ZNF337: variants seen among roughly 807,000 people sequenced by gnomAD.
ZNF337 encodes the protein zinc finger protein 337.
ZNF337 carries 8 observed loss-of-function variants against 12.1 expected under a neutral mutation model. The observed-to-expected ratio is 0.66, with a 90% CI of 0.39 to 1.19. ZNF337 has a LOEUF of 1.19. Among genes scored for constraint, ZNF337 ranks in the 50% most tolerant of loss-of-function variants. The pLI, the probability that ZNF337 is intolerant of heterozygous loss-of-function variation, is 0.01. For missense variants in ZNF337, 882 were observed against 896.6 expected (o/e 0.98, Z 0.21); for synonymous variants, 336 against 320.0 (o/e 1.05, Z -0.53).
At chr20:25,684,216 G>T (rs1007190126) in intron 4 of ZNF337, among the ~76,000 whole-genome samples, 1 of 109,668 alleles carries the variant, frequency 9.1e-6, no homozygotes. Context: ...GGTGGGGGGA[G>T]GGGGGAGGGA....
Position 25,673,548 on chromosome 20 carries a change from G to A in ZNF337, c.*1484C>T, listed in dbSNP as rs1026446235. ...TCTTGGGCATCCATGGAGATGTTCCGGTGTCATTTTTCAGGATCCCAGATT... is the reference window on the plus strand; with the variant it reads ...TCTTGGGCATCCATGGAGATGTTCCAGTGTCATTTTTCAGGATCCCAGATT... On this transcript the variant is annotated 3_prime_UTR_variant, in exon 5 of 5. Transcript: ENST00000252979. Among the ~76,000 whole-genome samples, 21 of 152,232 alleles carry A rather than the reference G, an allele frequency of 1.4e-4. No homozygotes were observed. The highest frequency in any genetic ancestry group is 4.6e-4 in the African/African-American group (19 of 41,544).
At chr20:25,677,088 T>C (rs766381856) in intron 4 of ZNF337, 51 bp from the exon 5 acceptor site, 23 of 1,438,482 alleles carry the variant, frequency 1.6e-5, no homozygotes, top group Non-Finnish European at 1.9e-5. Flanking sequence ...AAGTCTTCTA[T>C]GAAAGAAAAA....
intron 4 of ZNF337, among the ~76,000 whole-genome samples, chr20:25,682,872 T>G (rs1298614324): frequency 6.6e-6 from 1 of 152,034 alleles, no homozygotes. Flanking sequence ...AATCTTTGTA[T>G]CTTTATAAAC....
Position 25,675,335 on chromosome 20 carries a change from T to C in ZNF337, c.1953A>G (p.Ser651=). Residue 651 remains serine (S), a synonymous_variant, in exon 5 of 5, where the codon TCA becomes TCG. Coordinates refer to ENST00000252979, the MANE Select transcript of ZNF337 (RefSeq NM_015655.4). ...GNLLTHQRTH[S]GEKPFVCNVC... ...CATTACACACGAAGGGCTTCTCCCC[T>C]GAGTGTGTCCTCTGGTGTGTGAGGA... is the stretch of plus-strand genomic sequence containing the variant. 6.2e-7 allele frequency: 1 copy of C among 1,614,114 alleles called. No homozygotes were observed. Among genetic ancestry groups the C allele is most frequent in the Admixed American group, 1.7e-5 (1 of 60,020 alleles).
intron 4 of ZNF337, among the ~76,000 whole-genome samples, chr20:25,683,229 A>AATCATCATC (rs3063022): frequency 7.1e-4 from 106 of 148,506 alleles, no homozygotes; most frequent in African/African-American, 1.3e-3. Flanking sequence ...TAGAGGTAAG[A>AATCATCATC]ATCATCATCA....
Position 25,686,904 on chromosome 20 carries a change from T to C in ZNF337, c.-49-438A>G, listed in dbSNP as rs188944561. 569 of 184,490 alleles carry C rather than the reference T, an allele frequency of 3.1e-3. 3 individuals carry two copies. Among genetic ancestry groups the C allele is most frequent in the Non-Finnish European group, 3.3e-3 (284 of 87,168 alleles). 11.4% of individuals were successfully genotyped at this position (184,490 alleles called of 1,614,324 possible). ...CACAGGCAGATGGCATTGGCAGTTA[T>C]TCAGTACTGTACAACACCAAAGCCT... is the stretch of plus-strand genomic sequence containing the variant. On this transcript the variant is annotated intron_variant, in intron 1 of 4. Transcript: ENST00000252979.
Position 25,676,666 on chromosome 20 carries a change from A to C in ZNF337, c.622T>G (p.Phe208Val), listed in dbSNP as rs372703486. The C allele has an allele frequency of 1.7e-4, 278 of 1,614,082 alleles. 2 individuals carry two copies. Among genetic ancestry groups the C allele is most frequent in the Non-Finnish European group, 2.2e-4 (263 of 1,180,056 alleles). ...HKKAHSRQKL[F>V]TCRECHQGFR... ...CCCTGGTGACACTCCCTGCATGTAAAAAGTTTCTGCCTGGAATGTGCTTTT... is the reference window on the plus strand; with the variant it reads ...CCCTGGTGACACTCCCTGCATGTAACAAGTTTCTGCCTGGAATGTGCTTTT... Residue 208 changes from phenylalanine to valine, a missense_variant, in exon 5 of 5, where the codon TTT becomes GTT. Phe to Val is a conservative substitution (Grantham distance 50). Transcript: ENST00000252979.
chr20:25,693,781 A>G (rs1453227345), intron 1 of ZNF337, among the ~76,000 whole-genome samples: 1 of 152,212 alleles, frequency 6.6e-6, no homozygotes, highest in Non-Finnish European at 1.5e-5. Context: ...AAGGCAATAC[A>G]TAAGAAGTCC....
chr20:25,694,566 G>T (rs942987646), intron 1 of ZNF337, among the ~76,000 whole-genome samples: 1 of 152,106 alleles, frequency 6.6e-6, no homozygotes, highest in Non-Finnish European at 1.5e-5. Flanking sequence ...TAAAAAAACT[G>T]CTGGGCCCAA....
chr20:25,680,198 A>T (rs555743395), intron 4 of ZNF337, among the ~76,000 whole-genome samples: 1 of 152,284 alleles, frequency 6.6e-6, no homozygotes, highest in Admixed American at 6.5e-5. Context: ...TAGTTAGAAG[A>T]AATAAGTGTT....
At chr20:25,694,036 C>T (rs1286246837) in intron 1 of ZNF337, among the ~76,000 whole-genome samples, 7 of 152,144 alleles carry the variant, frequency 4.6e-5, no homozygotes, top group South Asian at 4.1e-4. Context: ...GTGTGGGCAT[C>T]GCAACAGACC....
chr20:25,677,137 C>G (rs1373181569), intron 4 of ZNF337, 100 bp from the exon 5 acceptor site: 3 of 1,007,508 alleles, frequency 3.0e-6, no homozygotes, highest in African/African-American at 3.3e-5. Context: ...TTCTAATAAA[C>G]TCATAAAGAA....
chr20:25,685,131 A>C (rs1392301039), intron 4 of ZNF337, among the ~76,000 whole-genome samples: 1 of 152,060 alleles, frequency 6.6e-6, no homozygotes, highest in East Asian at 1.9e-4. Flanking sequence ...AAAAAAAAAA[A>C]AGAAAATCAG....
intron 4 of ZNF337, among the ~76,000 whole-genome samples, chr20:25,684,886 A>G (rs1181519468): frequency 6.6e-6 from 1 of 152,128 alleles, no homozygotes; most frequent in African/African-American, 2.4e-5. Context: ...GAGAAAAATC[A>G]AACACTATAT....
intron 1 of ZNF337, among the ~76,000 whole-genome samples, chr20:25,688,540 T>C (rs1411925119): frequency 3.9e-5 from 6 of 152,260 alleles, no homozygotes; most frequent in African/African-American, 1.2e-4. Flanking sequence ...AATATGATGA[T>C]TGCAGCCAGG....
chr20:25,675,759 T>C lies in ZNF337; in HGVS notation c.1529A>G (p.His510Arg). Residue 510 changes from histidine (H) to arginine (R), a missense_variant, in exon 5 of 5, where the codon CAC (histidine) becomes CGC (arginine). Transcript: ENST00000252979. ...GCAGAAAAAACGTTTCTCACCCAAG[T>C]GTGCCCTCAGGTGCTTGTTATAGGA... ...KSSYNKHLRA[H>R]LGEKRFFCRD... The C allele has an allele frequency of 1.2e-6, 2 of 1,614,072 alleles. No individual in the cohort carries two copies. The highest frequency in any genetic ancestry group is 1.7e-6 in the Non-Finnish European group (2 of 1,180,020).
At chr20:25,682,994 A>G (rs1487197276) in intron 4 of ZNF337, among the ~76,000 whole-genome samples, 1 of 152,230 alleles carries the variant, frequency 6.6e-6, no homozygotes, top group East Asian at 1.9e-4. Context: ...AATAGGATAT[A>G]AAGGTCAATA....
rs2065662885 is a variant in ZNF337, at chr20:25,675,158, C to T, written c.2130G>A (p.Glu710=). 3.1e-6 allele frequency: 5 copies of T among 1,614,226 alleles called. No homozygotes were observed. Among genetic ancestry groups the T allele is most frequent in the Non-Finnish European group, 4.2e-6 (5 of 1,180,038 alleles). The part of the protein sequence containing the change: ...LTVHERIHTG[E]RPYECQECGR... ...CACACTCTTGGCATTCATAAGGCCTCTCTCCTGTGTGTATTCTTTCATGCA... is the reference window on the plus strand; with the variant it reads ...CACACTCTTGGCATTCATAAGGCCTTTCTCCTGTGTGTATTCTTTCATGCA... The change falls in exon 5 of 5, where the codon GAG becomes GAA. Residue 710 remains glutamate (E), a synonymous_variant. Coordinates refer to ENST00000252979, the MANE Select transcript of ZNF337 (RefSeq NM_015655.4).
intron 4 of ZNF337, among the ~76,000 whole-genome samples, chr20:25,682,683 A>C (rs2122400744): frequency 6.6e-6 from 1 of 152,184 alleles, no homozygotes; most frequent in Admixed American, 6.5e-5. Flanking sequence ...AATACAAAAA[A>C]AATTAGCCAG....
Sources: allele counts gnomAD v4.1 joint callset (sites outside exome capture counted in the v4.1 genomes callset), GRCh38; gene constraint gnomAD v4.1.1; transcripts MANE v1.5; gene names NCBI Gene and HGNC (gene_info 2026-07-23, HGNC 2026-07-21).